SLC35D4: variants seen among roughly 807,000 people sequenced by gnomAD.
The protein encoded by SLC35D4 is solute carrier family 35 member D4.
the SLC35D4 span, among the ~76,000 whole-genome samples, chr18:23,391,159 C>T: frequency 1.3e-5 from 2 of 151,324 alleles, no homozygotes; most frequent in Non-Finnish European, 2.9e-5. Context: ...GGAGGCAGAG[C>T]CTGCAGTGAG....
At chr18:23,260,277 C>T in the SLC35D4 span, 3 of 152,290 alleles carry the variant, frequency 2.0e-5, no homozygotes, top group South Asian at 2.1e-4. Context: ...TTTGTTGTTC[C>T]GATCACAGAT....
chr18:23,402,062 G>A, the SLC35D4 span, among the ~76,000 whole-genome samples: 2 of 152,172 alleles, frequency 1.3e-5, no homozygotes, highest in Admixed American at 1.3e-4. Context: ...AGGGGCAACA[G>A]GGCCAAAGCA....
the SLC35D4 span, among the ~76,000 whole-genome samples, chr18:23,255,786 C>A: frequency 1.3e-3 from 191 of 152,182 alleles, 1 homozygote; most frequent in Middle Eastern, 6.8e-3. Flanking sequence ...GTCTCGAACT[C>A]CTGGCCTCAA....
the SLC35D4 span, among the ~76,000 whole-genome samples, chr18:23,242,552 CCCTCTT>C: frequency 6.6e-6 from 1 of 152,014 alleles, no homozygotes; most frequent in Non-Finnish European, 1.5e-5. Flanking sequence ...GTTTTTTTCC[CCCTCTT>C]TATGGGTGTG....
chr18:23,311,981 G>A, the SLC35D4 span, among the ~76,000 whole-genome samples: 8 of 152,326 alleles, frequency 5.3e-5, no homozygotes, highest in African/African-American at 1.9e-4. Flanking sequence ...GATGGATGTT[G>A]GCTGTGCTGG....
At chr18:23,352,307 T>G in the SLC35D4 span, 1 of 1,595,008 alleles carries the variant, frequency 6.3e-7, no homozygotes, top group Non-Finnish European at 8.5e-7. Flanking sequence ...GAGAAAAGAT[T>G]CTCTTGTTAG....
At chr18:23,387,651 T>A in the SLC35D4 span, among the ~76,000 whole-genome samples, 30 of 152,382 alleles carry the variant, frequency 2.0e-4, no homozygotes, top group Non-Finnish European at 2.9e-4. Context: ...TATAGCTTTA[T>A]ATAGCTGTGC....
the SLC35D4 span, among the ~76,000 whole-genome samples, chr18:23,354,210 A>G: frequency 6.6e-6 from 1 of 152,136 alleles, no homozygotes; most frequent in Non-Finnish European, 1.5e-5. Context: ...CTAGACAAAG[A>G]GTGAGATATG....
the SLC35D4 span, among the ~76,000 whole-genome samples, chr18:23,389,135 C>A: frequency 1.3e-5 from 2 of 151,722 alleles, no homozygotes; most frequent in Non-Finnish European, 2.9e-5. Context: ...GACTACAGGC[C>A]CTGCCATGAA....
the SLC35D4 span, among the ~76,000 whole-genome samples, chr18:23,371,945 T>TTTTTTTTTTTG: frequency 3.1e-4 from 23 of 73,308 alleles, no homozygotes; most frequent in African/African-American, 1.3e-3. Flanking sequence ...GTTTTTTTTT[T>TTTTTTTTTTTG]TTTTTTTTGA....
the SLC35D4 span, among the ~76,000 whole-genome samples, chr18:23,433,957 T>C: frequency 6.6e-6 from 1 of 152,000 alleles, no homozygotes; most frequent in Non-Finnish European, 1.5e-5. Flanking sequence ...ATGCTCATAA[T>C]AGAATATGCT....
the SLC35D4 span, among the ~76,000 whole-genome samples, chr18:23,353,812 CTTA>C: frequency 6.6e-6 from 1 of 152,184 alleles, no homozygotes; most frequent in Non-Finnish European, 1.5e-5. Flanking sequence ...CCCTCGTAAC[CTTA>C]ACCAAATCCC....
the SLC35D4 span, among the ~76,000 whole-genome samples, chr18:23,249,709 G>A: frequency 6.6e-6 from 1 of 152,156 alleles, no homozygotes; most frequent in Non-Finnish European, 1.5e-5. Context: ...GAGGTTGAGT[G>A]ACTTTCTCCC....
the SLC35D4 span, among the ~76,000 whole-genome samples, chr18:23,289,555 C>T: frequency 5.9e-3 from 892 of 152,270 alleles, 8 homozygotes; most frequent in Non-Finnish European, 5.4e-3. Flanking sequence ...AGAAACATTG[C>T]CCATTATCTC....
chr18:23,338,183 T>G, the SLC35D4 span, among the ~76,000 whole-genome samples: 1 of 152,240 alleles, frequency 6.6e-6, no homozygotes, highest in Admixed American at 6.5e-5. Context: ...TATATAGGTT[T>G]AAAAACATTG....
At chr18:23,345,255 G>C in the SLC35D4 span, among the ~76,000 whole-genome samples, 1 of 151,918 alleles carries the variant, frequency 6.6e-6, no homozygotes. Flanking sequence ...AGGCCGAGGT[G>C]GGCGGATCGC....
chr18:23,372,021 C>T, the SLC35D4 span, among the ~76,000 whole-genome samples: 182 of 133,420 alleles, frequency 1.4e-3, 1 homozygote, highest in South Asian at 0.011. Context: ...CTGCAAGCTC[C>T]GCCTCCCGGG....
the SLC35D4 span, among the ~76,000 whole-genome samples, chr18:23,325,078 T>C: frequency 6.6e-6 from 1 of 152,068 alleles, no homozygotes; most frequent in Admixed American, 6.6e-5. Context: ...GAGACAGCAG[T>C]GAGCCAGCAG....
At chr18:23,377,717 T>A in the SLC35D4 span, 6 of 1,479,856 alleles carry the variant, frequency 4.1e-6, no homozygotes, top group East Asian at 2.5e-5. Context: ...TAAAACTTTT[T>A]AAATTCCTCT....
Sources: allele counts gnomAD v4.1 joint callset (sites outside exome capture counted in the v4.1 genomes callset), GRCh38; gene constraint gnomAD v4.1.1; transcripts MANE v1.5; gene names NCBI Gene and HGNC (gene_info 2026-07-23, HGNC 2026-07-21).